Variants in SYT1 observed in about 807,000 individuals in gnomAD.
The protein encoded by SYT1 is synaptotagmin-1.
SYT1 carries 8 observed loss-of-function variants against 44.8 expected under a neutral mutation model. The observed-to-expected ratio is 0.18, with a 90% confidence interval of 0.10 to 0.32. The LOEUF (loss-of-function observed/expected upper bound fraction) is 0.32. Among genes scored for constraint, SYT1 ranks in the 10% least tolerant of loss-of-function variants. The pLI, the probability that SYT1 is intolerant of heterozygous loss-of-function variation, is 1.00. For synonymous variants in SYT1, 154 were observed against 188.8 expected (o/e 0.82, Z 1.51); for missense variants, 286 against 509.3 (o/e 0.56, Z 4.22).
chr12:78,887,985 C>A (rs1216325892), intron 1 of SYT1, among the ~76,000 whole-genome samples: 1 of 151,198 alleles, frequency 6.6e-6, no homozygotes, highest in Non-Finnish European at 1.5e-5. Context: ...ATTTTGTGCC[C>A]AAAAAACTAT....
chr12:79,083,853 G>A (rs1463592609), intron 3 of SYT1, among the ~76,000 whole-genome samples: 1 of 152,096 alleles, frequency 6.6e-6, no homozygotes, highest in African/African-American at 2.4e-5. Flanking sequence ...ATGCAAAGAT[G>A]TCAACACGAA....
At chr12:78,959,483 A>AT (rs1489948758) in intron 1 of SYT1, among the ~76,000 whole-genome samples, 2 of 152,096 alleles carry the variant, frequency 1.3e-5, no homozygotes, top group East Asian at 1.9e-4. Context: ...TTGTTCTTTA[A>AT]TTTTTTTGTA....
At chr12:79,206,725 A>G (rs747893445) in intron 3 of SYT1, among the ~76,000 whole-genome samples, 56 of 152,258 alleles carry the variant, frequency 3.7e-4, no homozygotes, top group Non-Finnish European at 6.9e-4. Context: ...TTCTGGCTAT[A>G]AATTCAAATG....
At chr12:79,424,259 A>G (rs1157208631) in intron 9 of SYT1, among the ~76,000 whole-genome samples, 2 of 152,022 alleles carry the variant, frequency 1.3e-5, no homozygotes, top group Admixed American at 6.6e-5. Context: ...ATGATGACCT[A>G]TTTAGAAGAA....
intron 7 of SYT1, 87 bp from the exon 8 acceptor site, chr12:79,299,297 T>TAA: frequency 7.0e-7 from 1 of 1,428,810 alleles, no homozygotes; most frequent in Non-Finnish European, 9.6e-7. Context: ...TTATGCAACG[T>TAA]AAATATTAAA....
chr12:78,991,946 CTT>C (rs138136320), intron 2 of SYT1, among the ~76,000 whole-genome samples: 1,695 of 152,178 alleles, frequency 0.011, 15 homozygotes, highest in Non-Finnish European at 0.016. Context: ...TTCCTGGAAA[CTT>C]TATTCTGCAG....
intron 3 of SYT1, among the ~76,000 whole-genome samples, chr12:79,064,970 A>AAGAAAGAAAGAAAG (rs1555194755): frequency 4.3e-4 from 65 of 150,740 alleles, no homozygotes; most frequent in African/African-American, 1.4e-3. Flanking sequence ...GAAAGAAAGA[A>AAGAAAGAAAGAAAG]AGAAAGAAAG....
intron 1 of SYT1, among the ~76,000 whole-genome samples, chr12:78,906,193 T>C (rs1039221328): frequency 1.3e-5 from 2 of 151,570 alleles, no homozygotes; most frequent in Non-Finnish European, 3.0e-5. Context: ...ATTAAGAAAG[T>C]CTTGAAATAG....
rs145305268 is a variant in SYT1, at chr12:79,384,822, T to C, written c.928+31203T>C. Among the ~76,000 whole-genome samples the C allele has an allele frequency of 3.6e-4, 55 of 152,278 alleles. No individual in the cohort carries two copies. In the East Asian group the frequency reaches 0.01, roughly 28 times the overall value. ...ATCACTTATTATATGATAGGTTTGG[T>C]TGGCTTTCTCCTGAGTTACGTAAGA... On this transcript the variant is annotated intron_variant, in intron 9 of 10. Coordinates refer to ENST00000261205, the MANE Select transcript of SYT1 (RefSeq NM_005639.3).
chr12:79,451,260 C>T lies in SYT1; in HGVS notation c.*2136C>T, dbSNP rs905776667. ...GGAAAATAACCGTCTGCCGATGGTCCGTACTTCTTAAAAAACATAGGTAAT... is the reference window on the plus strand; with the variant it reads ...GGAAAATAACCGTCTGCCGATGGTCTGTACTTCTTAAAAAACATAGGTAAT... On this transcript the variant is annotated 3_prime_UTR_variant, in exon 11 of 11. Transcript: ENST00000261205. 4.2e-4 allele frequency: 64 copies of T among 152,106 alleles called. No homozygotes were observed. The highest frequency in any genetic ancestry group is 1.5e-3 in the African/African-American group (64 of 41,410). The allele number at this position is 152,106 out of a possible 1,614,324, so 9.4% of individuals were successfully genotyped here.
At chr12:79,329,291 C>T (rs1244268713) in intron 8 of SYT1, among the ~76,000 whole-genome samples, 3 of 152,186 alleles carry the variant, frequency 2.0e-5, no homozygotes, top group Non-Finnish European at 4.4e-5. Context: ...ACTCCATGTG[C>T]TCTTCTGTGT....
chr12:79,137,357 A>G (rs932643338), intron 3 of SYT1, among the ~76,000 whole-genome samples: 27 of 152,052 alleles, frequency 1.8e-4, no homozygotes, highest in African/African-American at 6.3e-4. Flanking sequence ...CAACCTCCCA[A>G]AGTGCTGGGA....
At chr12:79,037,770 CA>C (rs1273763006) in intron 2 of SYT1, among the ~76,000 whole-genome samples, 1 of 151,790 alleles carries the variant, frequency 6.6e-6, no homozygotes, top group Non-Finnish European at 1.5e-5. Context: ...TACCTGTAAC[CA>C]TAGAACATTT....
intron 8 of SYT1, among the ~76,000 whole-genome samples, chr12:79,332,392 C>T (rs1437988183): frequency 6.6e-6 from 1 of 152,272 alleles, no homozygotes; most frequent in East Asian, 1.9e-4. Flanking sequence ...GAAACTAAAT[C>T]GTTTCTGCAG....
intron 3 of SYT1, among the ~76,000 whole-genome samples, chr12:79,161,952 A>G (rs564078932): frequency 7.2e-5 from 11 of 152,274 alleles, no homozygotes; most frequent in Admixed American, 2.6e-4. Flanking sequence ...TGACACTGGC[A>G]TGCTTCTTTT....
At chr12:79,240,565 A>G (rs1876444676) in intron 4 of SYT1, among the ~76,000 whole-genome samples, 1 of 152,224 alleles carries the variant, frequency 6.6e-6, no homozygotes, top group South Asian at 2.1e-4. Context: ...GATGGTGATC[A>G]GTTCATATCA....
chr12:79,285,934 A>G lies in SYT1; in HGVS notation c.314A>G (p.Lys105Arg), dbSNP rs749466656. 6.8e-6 allele frequency: 11 copies of G among 1,612,740 alleles called. No individual in the cohort carries two copies. The highest frequency in any genetic ancestry group is 5.0e-5 in the Admixed American group (3 of 59,678). The change falls in exon 5 of 11, where the codon AAA becomes AGA. Residue 105 changes from lysine to arginine, a missense_variant. Lys to Arg is a conservative substitution (Grantham distance 26). This residue lies in a region of SYT1 where 141 missense variants were observed against 165.7 expected (regional missense o/e 0.85). Coordinates refer to ENST00000261205, the MANE Select transcript of SYT1 (RefSeq NM_005639.3). Reference sequence around the variant, plus strand: ...GGAGGGAAGAATGCCATTAACATGAAAGATGTAAAAGACTTAGGGAAGACG... The same window carrying G: ...GGAGGGAAGAATGCCATTAACATGAGAGATGTAAAAGACTTAGGGAAGACG... ...EKGGKNAINM[K>R]DVKDLGKTMK... is the part of the protein sequence containing the mutation.
At chr12:79,101,713 C>T (rs963321639) in intron 3 of SYT1, among the ~76,000 whole-genome samples, 1 of 150,544 alleles carries the variant, frequency 6.6e-6, no homozygotes, top group African/African-American at 2.5e-5. Flanking sequence ...TTGAGAAGAG[C>T]CTGGGCAACA....
At chr12:79,013,708 T>C (rs931637370) in intron 2 of SYT1, among the ~76,000 whole-genome samples, 1 of 152,194 alleles carries the variant, frequency 6.6e-6, no homozygotes, top group Non-Finnish European at 1.5e-5. Context: ...ATTTACTATA[T>C]AAAGCCACTT....
Sources: allele counts gnomAD v4.1 joint callset (sites outside exome capture counted in the v4.1 genomes callset), GRCh38; gene constraint gnomAD v4.1.1; regional missense constraint gnomAD v4.1.1; transcripts MANE v1.5; gene names NCBI Gene and HGNC (gene_info 2026-07-23, HGNC 2026-07-21).